The following HMCN1 variants were observed in gnomAD, a reference collection of about 807,000 sequenced individuals.
The protein encoded by HMCN1 is hemicentin 1, also known as hemicentin-1.
A neutral mutation model predicts 625.9 loss-of-function variants in HMCN1; 321 were observed. That is an observed-to-expected ratio of 0.51 (90% CI 0.47 to 0.56). The LOEUF is 0.56. Ranked by LOEUF, HMCN1 falls within the 20% of genes least tolerant of loss-of-function variation. The pLI is 0.00. For missense variants in HMCN1, 6,588 were observed against 6,887.3 expected, an observed-to-expected ratio of 0.96 and a Z score of 1.54; for synonymous variants, 2,425 against 2,417.6, an observed-to-expected ratio of 1.00 and a Z score of -0.09.
chr1:186,123,170 C>A lies in HMCN1; in HGVS notation c.12449C>A (p.Ala4150Glu). Residue 4150 changes from alanine to glutamate, a missense_variant, in exon 81 of 107, where the codon GCA becomes GAA. Coordinates refer to ENST00000271588, the MANE Select transcript of HMCN1 (RefSeq NM_031935.3). The part of the protein sequence containing the change: ...PGDAGHYTCM[A>E]ANVAGSSSTS... ...GATGCTGGCCATTACACGTGCATGG[C>A]AGCCAATGTAGCAGGATCAAGCAGC... The A allele has an allele frequency of 6.2e-7, 1 of 1,614,000 alleles. No individual in the cohort carries two copies. Among genetic ancestry groups the A allele is most frequent in the Non-Finnish European group, 8.5e-7 (1 of 1,179,942 alleles).
chr1:185,783,213 T>C (rs1278131738), intron 1 of HMCN1, among the ~76,000 whole-genome samples: 1 of 152,186 alleles, frequency 6.6e-6, no homozygotes, highest in Non-Finnish European at 1.5e-5. Context: ...ATTTAAGGAC[T>C]TGTCTACACT....
chr1:185,769,128 G>C (rs1461243690), intron 1 of HMCN1, among the ~76,000 whole-genome samples: 1 of 152,102 alleles, frequency 6.6e-6, no homozygotes, highest in Non-Finnish European at 1.5e-5. Flanking sequence ...TTTGGGAATA[G>C]GGAGACTTTT....
intron 11 of HMCN1, among the ~76,000 whole-genome samples, chr1:185,943,972 A>G (rs1264252707): frequency 2.0e-5 from 3 of 152,206 alleles, no homozygotes; most frequent in Non-Finnish European, 2.9e-5. Flanking sequence ...TGTTTTTTAT[A>G]TCACAAGATC....
At chr1:186,161,285 C>T (rs1282703395) in intron 97 of HMCN1, among the ~76,000 whole-genome samples, 1 of 151,952 alleles carries the variant, frequency 6.6e-6, no homozygotes, top group Non-Finnish European at 1.5e-5. Context: ...AGATCTTCCT[C>T]CATCCCTTTA....
At chr1:185,757,172 C>T (rs1557945290) in intron 1 of HMCN1, among the ~76,000 whole-genome samples, 1 of 152,182 alleles carries the variant, frequency 6.6e-6, no homozygotes, top group Non-Finnish European at 1.5e-5. Flanking sequence ...AGGGTTTCAC[C>T]TTGTTGACCA....
intron 97 of HMCN1, among the ~76,000 whole-genome samples, chr1:186,163,110 G>C (rs533810645): frequency 6.6e-6 from 1 of 152,336 alleles, no homozygotes; most frequent in Non-Finnish European, 1.5e-5. Context: ...CCTGGGAAAT[G>C]GCGGGCGCCC....
intron 71 of HMCN1, 23 bp downstream of exon 71, chr1:186,108,620 C>T (rs367714871): frequency 2.5e-6 from 4 of 1,613,852 alleles, no homozygotes; most frequent in Non-Finnish European, 3.4e-6. Context: ...ATAAGCTCCA[C>T]AAATTCCTTT....
intron 104 of HMCN1, among the ~76,000 whole-genome samples, chr1:186,181,253 G>A (rs1571475210): frequency 6.6e-6 from 1 of 152,294 alleles, no homozygotes; most frequent in East Asian, 1.9e-4. Flanking sequence ...TGTATGCTCA[G>A]AGACTATGAG....
In HMCN1 at chr1:186,095,451, G is replaced by C. The variant is rs145257193; in HGVS notation, c.10503G>C (p.Ser3501=). The change falls in exon 68 of 107, where the codon TCG becomes TCC. Residue 3501 remains serine (S), a synonymous_variant. Transcript: ENST00000271588. ...TCCTCAAAGCAGAGACTGAAGATTC[G>C]GGAAAGTACACCTGCATTGCCTCAA... ...LQLLKAETED[S]GKYTCIASNE... is the part of the protein sequence containing the mutation. 1.9e-6 allele frequency: 3 copies of C among 1,613,520 alleles called. No homozygotes were observed. Among genetic ancestry groups the C allele is most frequent in the Non-Finnish European group, 2.5e-6 (3 of 1,179,802 alleles).
intron 63 of HMCN1, among the ~76,000 whole-genome samples, chr1:186,090,405 A>C (rs1300531630): frequency 1.3e-5 from 2 of 151,978 alleles, no homozygotes; most frequent in Non-Finnish European, 2.9e-5. Context: ...AAAGAAAAAC[A>C]CAAAAAAATG....
At chr1:186,105,681 T>C (rs1660576552) in intron 69 of HMCN1, among the ~76,000 whole-genome samples, 1 of 152,234 alleles carries the variant, frequency 6.6e-6, no homozygotes, top group South Asian at 2.1e-4. Context: ...AACATTCTAT[T>C]AGTAAAACAA....
intron 2 of HMCN1, 77 bp from the exon 3 acceptor site, chr1:185,864,393 C>G: frequency 7.1e-7 from 1 of 1,417,948 alleles, no homozygotes; most frequent in Non-Finnish European, 9.9e-7. Flanking sequence ...CTAAAACTCC[C>G]AAAGCACCTT....
At chr1:186,087,701 G>C (rs1162238896) in intron 60 of HMCN1, 56 bp downstream of exon 60, 2 of 1,529,584 alleles carry the variant, frequency 1.3e-6, no homozygotes, top group Non-Finnish European at 1.8e-6. Context: ...TGGTGGAAAA[G>C]ATGCTTGGAA....
At chr1:186,043,008 C>A (rs1656311382) in intron 40 of HMCN1, among the ~76,000 whole-genome samples, 1 of 151,974 alleles carries the variant, frequency 6.6e-6, no homozygotes, top group Non-Finnish European at 1.5e-5. Context: ...TTTTGCCATA[C>A]CCTGAGATAT....
chr1:186,167,723 G>C (rs1027993218), intron 100 of HMCN1, among the ~76,000 whole-genome samples: 1 of 152,116 alleles, frequency 6.6e-6, no homozygotes, highest in African/African-American at 2.4e-5. Flanking sequence ...ATGTCATATA[G>C]TTGGAATCAT....
intron 71 of HMCN1, among the ~76,000 whole-genome samples, chr1:186,110,467 A>G (rs1363432911): frequency 2.0e-5 from 3 of 152,240 alleles, no homozygotes; most frequent in African/African-American, 7.2e-5. Context: ...CACAGAAGGT[A>G]CAAATAAAGT....
chr1:186,161,273 G>T (rs1303526182), intron 97 of HMCN1, among the ~76,000 whole-genome samples: 2 of 151,676 alleles, frequency 1.3e-5, no homozygotes, highest in South Asian at 2.1e-4. Flanking sequence ...CATTTGCTTG[G>T]TAGATCTTCC....
chr1:185,979,083 C>T (rs1238645588), intron 16 of HMCN1, among the ~76,000 whole-genome samples: 1 of 152,154 alleles, frequency 6.6e-6, no homozygotes, highest in African/African-American at 2.4e-5. Flanking sequence ...CTGTGGTGAG[C>T]TCTGTGGTGG....
intron 81 of HMCN1, among the ~76,000 whole-genome samples, chr1:186,123,523 T>C (rs1661498803): frequency 6.6e-6 from 1 of 152,182 alleles, no homozygotes; most frequent in Non-Finnish European, 1.5e-5. Context: ...CGTTTGTGTT[T>C]TGTGACTTTT....
Sources: allele counts gnomAD v4.1 joint callset (sites outside exome capture counted in the v4.1 genomes callset), GRCh38; gene constraint gnomAD v4.1.1; transcripts MANE v1.5; gene names NCBI Gene and HGNC (gene_info 2026-07-23, HGNC 2026-07-21).